MAP7: variants seen among roughly 807,000 people sequenced by gnomAD.
The protein encoded by MAP7 is microtubule associated protein 7, also known as ensconsin.
In MAP7, 52 loss-of-function variants were observed where a neutral mutation model predicts 94.8. The ratio of observed to expected loss-of-function variants is 0.55; its 90% CI spans 0.44 to 0.69. The LOEUF (loss-of-function observed/expected upper bound fraction) is 0.69. Ranked by LOEUF, MAP7 falls within the 30% of genes least tolerant of loss-of-function variation. MAP7 has a pLI of 0.00. For synonymous variants in MAP7, 350 were observed against 357.0 expected (o/e 0.98, Z 0.22); for missense variants, 940 against 964.6 (o/e 0.97, Z 0.34).
At chr6:136,394,721 C>T (rs190924898) in intron 3 of MAP7, among the ~76,000 whole-genome samples, 201 of 151,082 alleles carry the variant, frequency 1.3e-3, no homozygotes, top group Middle Eastern at 6.8e-3. Flanking sequence ...TTAACCTCCC[C>T]CCCACCTTTC....
intron 1 of MAP7, among the ~76,000 whole-genome samples, chr6:136,458,250 T>C (rs780390708): frequency 6.6e-6 from 1 of 152,088 alleles, no homozygotes; most frequent in Non-Finnish European, 1.5e-5. Flanking sequence ...TGAAAAATCA[T>C]AAAACGTTGA....
chr6:136,417,702 G>T (rs1789947593), intron 2 of MAP7, among the ~76,000 whole-genome samples: 1 of 152,076 alleles, frequency 6.6e-6, no homozygotes, highest in African/African-American at 2.4e-5. Flanking sequence ...TCAGAGTGAG[G>T]GCATAAAACC....
intron 8 of MAP7, 84 bp from the exon 9 acceptor site, chr6:136,366,523 C>A (rs1241915734): frequency 1.2e-5 from 11 of 940,534 alleles, no homozygotes; most frequent in Non-Finnish European, 1.7e-5. Flanking sequence ...AGCTAGAAAC[C>A]ATTGAATGAC....
chr6:136,546,113 A>G (rs537667717), intron 1 of MAP7, among the ~76,000 whole-genome samples: 3 of 152,256 alleles, frequency 2.0e-5, no homozygotes, highest in South Asian at 2.1e-4. Context: ...CCTGGGTTCA[A>G]GTGATTCTTC....
At chr6:136,480,641 C>CAAAAAAAAAAAAAAAA (rs769951186) in intron 1 of MAP7, among the ~76,000 whole-genome samples, 1 of 20,146 alleles carries the variant, frequency 5.0e-5, no homozygotes, top group African/African-American at 2.3e-4. Context: ...GACTCTGCCT[C>CAAAAAAAAAAAAAAAA]AAAAAAAAAA....
intron 1 of MAP7, among the ~76,000 whole-genome samples, chr6:136,538,478 C>G (rs1829053141): frequency 6.6e-6 from 1 of 152,020 alleles, no homozygotes; most frequent in African/African-American, 2.4e-5. Flanking sequence ...AATATTTTAG[C>G]AAAGGACTTA....
At chr6:136,377,720 A>AC (rs1012637150) in intron 7 of MAP7, 35 bp downstream of exon 7, 15 of 1,499,600 alleles carry the variant, frequency 1.0e-5, no homozygotes, top group Non-Finnish European at 1.4e-5. Context: ...GGAGGACTTG[A>AC]CCTCATGGGG....
intron 1 of MAP7, among the ~76,000 whole-genome samples, chr6:136,449,083 C>T (rs537849753): frequency 2.0e-5 from 3 of 151,032 alleles, no homozygotes; most frequent in East Asian, 2.0e-4. Context: ...CCGAGGCGGG[C>T]GGATCACGAG....
chr6:136,428,441 AC>A (rs1166049692), intron 1 of MAP7, among the ~76,000 whole-genome samples: 2 of 151,888 alleles, frequency 1.3e-5, no homozygotes, highest in East Asian at 3.9e-4. Context: ...AATCGCTTGA[AC>A]CCAGGAAGTG....
At chr6:136,528,703 T>C (rs1469040030) in intron 1 of MAP7, among the ~76,000 whole-genome samples, 1 of 152,258 alleles carries the variant, frequency 6.6e-6, no homozygotes, top group Non-Finnish European at 1.5e-5. Context: ...AGCTAGCTGC[T>C]GCTCTAATAA....
intron 1 of MAP7, among the ~76,000 whole-genome samples, chr6:136,424,441 G>A (rs553604466): frequency 1.1e-3 from 163 of 152,126 alleles, no homozygotes; most frequent in Non-Finnish European, 2.0e-3. Context: ...TATTCCATTA[G>A]TGTCACATGT....
chr6:136,520,606 C>T (rs527724944), intron 1 of MAP7, among the ~76,000 whole-genome samples: 2 of 152,192 alleles, frequency 1.3e-5, no homozygotes, highest in South Asian at 2.1e-4. Context: ...ATTTACAGTG[C>T]GGAAGGAGCA....
intron 1 of MAP7, among the ~76,000 whole-genome samples, chr6:136,503,100 A>G (rs1820284314): frequency 6.6e-6 from 1 of 152,230 alleles, no homozygotes; most frequent in Non-Finnish European, 1.5e-5. Flanking sequence ...CCCAAGGACT[A>G]CATGAATAAT....
intron 8 of MAP7, among the ~76,000 whole-genome samples, chr6:136,370,851 A>T (rs1774254118): frequency 6.6e-6 from 1 of 151,862 alleles, no homozygotes; most frequent in Non-Finnish European, 1.5e-5. Flanking sequence ...ATATGAATAT[A>T]CTTAACACTG....
At chr6:136,467,144 A>T (rs1407301776) in intron 1 of MAP7, among the ~76,000 whole-genome samples, 2 of 151,816 alleles carry the variant, frequency 1.3e-5, no homozygotes, top group Non-Finnish European at 2.9e-5. Context: ...ATTCAAACTC[A>T]GAGGCCCCAA....
intron 15 of MAP7, among the ~76,000 whole-genome samples, chr6:136,359,449 C>T (rs556445878): frequency 6.6e-6 from 1 of 152,068 alleles, no homozygotes; most frequent in African/African-American, 2.4e-5. Flanking sequence ...TAAATATACA[C>T]TACTTGAGCA....
At chr6:136,528,650 A>G (rs1171956442) in intron 1 of MAP7, among the ~76,000 whole-genome samples, 1 of 152,262 alleles carries the variant, frequency 6.6e-6, no homozygotes, top group Non-Finnish European at 1.5e-5. Context: ...AATTTCATTT[A>G]GAAATGTTTG....
chr6:136,369,249 A>G (rs1479516242), intron 8 of MAP7, among the ~76,000 whole-genome samples: 1 of 152,198 alleles, frequency 6.6e-6, no homozygotes, highest in African/African-American at 2.4e-5. Flanking sequence ...TACAGTGATC[A>G]GTACTGTGTG....
At chr6:136,362,324 G>C (rs2128569308) in intron 11 of MAP7, 126 bp downstream of exon 11, 2 of 1,247,428 alleles carry the variant, frequency 1.6e-6, no homozygotes, top group South Asian at 1.5e-5. Context: ...AATTAGGTAA[G>C]AGTAATCCTG....
Sources: allele counts gnomAD v4.1 joint callset (sites outside exome capture counted in the v4.1 genomes callset), GRCh38; gene constraint gnomAD v4.1.1; transcripts MANE v1.5; gene names NCBI Gene and HGNC (gene_info 2026-07-23, HGNC 2026-07-21).